DMD: variants seen among roughly 807,000 people sequenced by gnomAD.
The protein encoded by DMD is dystrophin, also known as mutant dystrophin.
DMD carries 63 observed loss-of-function variants against 330.1 expected under a neutral mutation model. The observed-to-expected ratio is 0.19, with a 90% confidence interval of 0.16 to 0.24. The LOEUF is 0.24. DMD is among the 10% of genes least tolerant of loss of function. The pLI is 1.00. For synonymous variants in DMD, 1,223 were observed against 959.8 expected (o/e 1.27, Z -5.07); for missense variants, 3,344 against 2,684.1 (o/e 1.25, Z -5.43).
rs777262580 is a variant in DMD, at chrX:32,188,067, G to A, written c.6438+28849C>T. Among the ~76,000 whole-genome samples, 22 of 110,814 alleles carry A rather than the reference G, an allele frequency of 2.0e-4. No individual in the cohort carries two copies. The South Asian group carries it at 2.6e-3, about 13-fold the overall frequency. ...CAGATAAAGTAAATCAAATGCAGGC[G>A]TAACATCTATATTATGTAGATGTGT... On this transcript the variant is annotated intron_variant, in intron 44 of 78. Coordinates refer to ENST00000357033, the MANE Select transcript of DMD (RefSeq NM_004006.3).
intron 1 of DMD, among the ~76,000 whole-genome samples, chrX:33,256,940 T>C (rs2052866847): frequency 9.0e-6 from 1 of 110,940 alleles, no homozygotes; most frequent in Non-Finnish European, 1.9e-5. Flanking sequence ...AGCCCCTTTG[T>C]AAACGTGTAA....
chrX:31,510,033 C>T (rs1405835521), intron 55 of DMD, among the ~76,000 whole-genome samples: 1 of 112,144 alleles, frequency 8.9e-6, no homozygotes, highest in Admixed American at 9.4e-5. Context: ...GAAGATAAGT[C>T]TTCTGTCAGT....
intron 2 of DMD, among the ~76,000 whole-genome samples, chrX:32,928,993 G>A (rs1232821079): frequency 9.0e-6 from 1 of 111,553 alleles, no homozygotes; most frequent in Non-Finnish European, 1.9e-5. Context: ...TCAAACATTA[G>A]TCAATAGCAT....
chrX:31,405,987 A>G (rs1450600254), intron 60 of DMD, among the ~76,000 whole-genome samples: 3 of 112,229 alleles, frequency 2.7e-5, no homozygotes, highest in African/African-American at 9.7e-5. Flanking sequence ...ACAAATTACT[A>G]CACTAACAAA....
At chrX:32,610,644 G>A (rs1476294422) in intron 12 of DMD, among the ~76,000 whole-genome samples, 5 of 111,310 alleles carry the variant, frequency 4.5e-5, no homozygotes, top group African/African-American at 1.6e-4. Context: ...TCAATTCCCA[G>A]CAATAAAATC....
intron 1 of DMD, among the ~76,000 whole-genome samples, chrX:33,229,227 G>A (rs747692670): frequency 9.0e-6 from 1 of 111,091 alleles, no homozygotes; most frequent in South Asian, 3.7e-4. Flanking sequence ...CAATTTATCA[G>A]TTTTTCTTTT....
chrX:32,548,607 A>C (rs2049209597), intron 16 of DMD, among the ~76,000 whole-genome samples: 1 of 111,855 alleles, frequency 8.9e-6, no homozygotes, highest in Admixed American at 9.5e-5. Context: ...CTAGACATAA[A>C]CATTGGTTGA....
intron 30 of DMD, among the ~76,000 whole-genome samples, chrX:32,393,619 A>G (rs1342551313): frequency 9.0e-6 from 1 of 111,540 alleles, no homozygotes; most frequent in Non-Finnish European, 1.9e-5. Context: ...AGAGGGAAAC[A>G]GGGTACATTT....
At chrX:32,492,269 C>T (rs1166889209) in intron 19 of DMD, among the ~76,000 whole-genome samples, 9 of 111,912 alleles carry the variant, frequency 8.0e-5, no homozygotes, top group African/African-American at 2.6e-4. Flanking sequence ...ACCCGGGAGG[C>T]GGAGCTTGCA....
At chrX:31,913,857 TAGAACTAG>T (rs2094576348) in intron 47 of DMD, among the ~76,000 whole-genome samples, 1 of 112,456 alleles carries the variant, frequency 8.9e-6, no homozygotes, top group Non-Finnish European at 1.9e-5. Context: ...TAGGTGTATC[TAGAACTAG>T]AGAACTTCAG....
intron 12 of DMD, among the ~76,000 whole-genome samples, chrX:32,609,301 G>C (rs1248603714): frequency 4.5e-5 from 5 of 110,577 alleles, no homozygotes; most frequent in Non-Finnish European, 7.6e-5. Flanking sequence ...TAAATATTAA[G>C]ATAAGTTTTC....
At chrX:32,610,664 T>C (rs1164942888) in intron 12 of DMD, among the ~76,000 whole-genome samples, 12 of 111,508 alleles carry the variant, frequency 1.1e-4, no homozygotes, top group Non-Finnish European at 5.7e-5. Flanking sequence ...CTGTATCTTT[T>C]CTTTAATTTT....
chrX:32,213,752 A>G (rs1180217951), intron 44 of DMD, among the ~76,000 whole-genome samples: 1 of 108,264 alleles, frequency 9.2e-6, no homozygotes, highest in Non-Finnish European at 1.9e-5. Flanking sequence ...AGACAGGCAG[A>G]CCACCTGAGG....
chrX:32,894,309 C>T (rs1310683376), intron 2 of DMD, among the ~76,000 whole-genome samples: 2 of 111,452 alleles, frequency 1.8e-5, no homozygotes, highest in Non-Finnish European at 3.8e-5. Context: ...GCAAACGAGG[C>T]ATTGGGTTTT....
intron 57 of DMD, among the ~76,000 whole-genome samples, chrX:31,495,841 T>C (rs1379285225): frequency 9.0e-6 from 1 of 111,416 alleles, no homozygotes; most frequent in Non-Finnish European, 1.9e-5. Flanking sequence ...CTCCTGATGA[T>C]GGAAGAATAC....
At chrX:32,402,646 T>C (rs2098092685) in intron 30 of DMD, among the ~76,000 whole-genome samples, 1 of 111,649 alleles carries the variant, frequency 9.0e-6, no homozygotes, top group Admixed American at 9.6e-5. Context: ...AAAAACTAGG[T>C]AATACATAAA....
At chrX:32,176,196 CTCT>C (rs2096905941) in intron 44 of DMD, among the ~76,000 whole-genome samples, 1 of 112,015 alleles carries the variant, frequency 8.9e-6, no homozygotes, top group Admixed American at 9.5e-5. Context: ...CAAGATTTTT[CTCT>C]TTTTTATTAA....
intron 52 of DMD, among the ~76,000 whole-genome samples, chrX:31,714,682 T>C (rs2084891733): frequency 8.9e-6 from 1 of 112,029 alleles, no homozygotes. Flanking sequence ...TATTTAAAGT[T>C]TACCTGTTTT....
At chrX:32,428,438 T>C (rs978548272) in intron 29 of DMD, among the ~76,000 whole-genome samples, 2 of 111,823 alleles carry the variant, frequency 1.8e-5, no homozygotes, top group African/African-American at 6.5e-5. Flanking sequence ...ATACAGTCTT[T>C]ATATCCACCT....
Sources: gnomAD v4.1 joint callset for allele counts (sites outside exome capture counted in the v4.1 genomes callset) on GRCh38, gnomAD v4.1.1 for gene constraint, MANE v1.5 for transcripts, NCBI Gene and HGNC (gene_info 2026-07-23, HGNC 2026-07-21) for gene names.